The following BANP variants were observed in gnomAD, a reference collection of about 807,000 sequenced individuals.
BANP encodes the protein BTG3 associated nuclear protein.
A neutral mutation model predicts 68.1 loss-of-function variants in BANP; 11 were observed. The observed-to-expected ratio is 0.16, with a 90% CI of 0.10 to 0.27. The LOEUF is 0.27. Ranked by LOEUF, BANP falls within the 10% of genes least tolerant of loss-of-function variation. The pLI is 1.00. For missense variants in BANP, 504 were observed against 722.7 expected, an observed-to-expected ratio of 0.70 and a Z score of 3.47; for synonymous variants, 329 against 303.2, an observed-to-expected ratio of 1.09 and a Z score of -0.88.
intron 2 of BANP, among the ~76,000 whole-genome samples, chr16:87,976,878 A>C (rs1054686379): frequency 2.0e-5 from 3 of 152,208 alleles, no homozygotes; most frequent in Non-Finnish European, 4.4e-5. Flanking sequence ...CTAGTTCAGA[A>C]GGCAAATGAC....
In BANP at chr16:88,035,053, A is replaced by G. The variant is rs1457257915; in HGVS notation, c.1201-270A>G. The G allele has an allele frequency of 1.8e-5, 8 of 443,926 alleles. No individual in the cohort carries two copies. The East Asian group carries it at 3.5e-4, about 19-fold the overall frequency. The allele number at this position is 443,926 out of a possible 1,614,324, so 27.5% of individuals were successfully genotyped here. A position where few individuals can be genotyped will look rare whatever the true frequency, so the allele number is the denominator to read the frequency against. ...ACATATGGGCGGGAAAAAGCATAGC[A>G]TATATGGGGTTCAGCACCATCCACA... On this transcript the variant is annotated intron_variant, in intron 9 of 13. Coordinates refer to ENST00000682872, the MANE Select transcript of BANP (RefSeq NM_001386991.1).
intron 11 of BANP, among the ~76,000 whole-genome samples, chr16:88,040,901 C>T (rs1366899901): frequency 6.6e-6 from 1 of 152,244 alleles, no homozygotes; most frequent in Non-Finnish European, 1.5e-5. Context: ...CTTAGTATTC[C>T]CTTCTGATTC....
chr16:88,074,808 C>T (rs890612504), intron 13 of BANP, among the ~76,000 whole-genome samples: 5 of 152,248 alleles, frequency 3.3e-5, no homozygotes, highest in African/African-American at 1.2e-4. Context: ...TGGCCGGGCT[C>T]GCAGGAGACA....
intron 1 of BANP, among the ~76,000 whole-genome samples, chr16:87,959,206 G>T (rs1017078143): frequency 4.6e-5 from 7 of 152,226 alleles, no homozygotes; most frequent in Non-Finnish European, 8.8e-5. Context: ...CTGCTGTTGG[G>T]CTGAGAAGCA....
chr16:87,999,184 G>A (rs547485409), intron 4 of BANP, among the ~76,000 whole-genome samples: 13 of 137,294 alleles, frequency 9.5e-5, no homozygotes, highest in Admixed American at 5.0e-4. Context: ...CTCCATGCCC[G>A]CACGTGCGCG....
At position 88,056,504 on chromosome 16, in the gene BANP, C is replaced by A. The variant is rs549677081; in HGVS notation, c.1312-8763C>A. Reference sequence around the variant, plus strand: ...AGAGAGAACTTAGATGAAATGATGACTGAAATGTACACTTTCAGTGTTTTA... The same window carrying A: ...AGAGAGAACTTAGATGAAATGATGAATGAAATGTACACTTTCAGTGTTTTA... On this transcript the variant is annotated intron_variant, in intron 11 of 13. Coordinates refer to ENST00000682872, the MANE Select transcript of BANP (RefSeq NM_001386991.1). Among the ~76,000 whole-genome samples the A allele has an allele frequency of 2.3e-3, 341 of 150,044 alleles. 1 individual carries two copies. The highest frequency in any genetic ancestry group is 3.5e-3 in the Non-Finnish European group (236 of 67,824).
chr16:88,017,875 T>C (rs1212632162), intron 6 of BANP, among the ~76,000 whole-genome samples: 1 of 152,244 alleles, frequency 6.6e-6, no homozygotes, highest in Non-Finnish European at 1.5e-5. Context: ...GCCCTGAGAA[T>C]GCTGGCGTCA....
At chr16:88,050,469 TA>T (rs778721372) in intron 11 of BANP, among the ~76,000 whole-genome samples, 3 of 152,162 alleles carry the variant, frequency 2.0e-5, no homozygotes, top group Admixed American at 6.5e-5. Context: ...AAGATGGTTT[TA>T]AACTAATAGC....
At chr16:88,001,237 C>T (rs186794029) in intron 4 of BANP, among the ~76,000 whole-genome samples, 12 of 129,962 alleles carry the variant, frequency 9.2e-5, no homozygotes, top group East Asian at 2.9e-4. Flanking sequence ...TCTCCATGCA[C>T]GCACGTGCGC....
chr16:88,047,936 G>A (rs2082376121), intron 11 of BANP, among the ~76,000 whole-genome samples: 1 of 152,212 alleles, frequency 6.6e-6, no homozygotes, highest in South Asian at 2.1e-4. Flanking sequence ...CTGATTAGCA[G>A]GGTCCGCAAG....
intron 6 of BANP, among the ~76,000 whole-genome samples, chr16:88,008,655 C>T (rs2072027971): frequency 6.6e-6 from 1 of 152,178 alleles, no homozygotes; most frequent in Non-Finnish European, 1.5e-5. Context: ...AGGAAAAATA[C>T]AAATTTTCTT....
intron 8 of BANP, among the ~76,000 whole-genome samples, chr16:88,029,961 A>G (rs1041332439): frequency 1.9e-4 from 29 of 152,360 alleles, no homozygotes; most frequent in Admixed American, 1.2e-3. Flanking sequence ...CATGAGCTCA[A>G]TGGCTCCTAA....
In BANP at chr16:88,016,997, A is replaced by C. The variant is rs142133639; in HGVS notation, c.656-1431A>C. On this transcript the variant is annotated intron_variant, in intron 6 of 13. Coordinates refer to ENST00000682872, the MANE Select transcript of BANP (RefSeq NM_001386991.1). The stretch of plus-strand genomic sequence containing the variant: ...AGCCCTGCCCTGATATTTCATGGAA[A>C]TCTTATATTTCAGGGAATGGGAGAG... Among the ~76,000 whole-genome samples, 1,091 of 152,312 alleles carry C rather than the reference A, an allele frequency of 7.2e-3. 4 individuals carry two copies. Among genetic ancestry groups the C allele is most frequent in the Admixed American group, 0.011 (170 of 15,306 alleles).
intron 3 of BANP, 47 bp downstream of exon 3, chr16:87,981,174 CA>C (rs1567651106): frequency 7.4e-7 from 1 of 1,355,098 alleles, no homozygotes; most frequent in East Asian, 2.3e-5. Flanking sequence ...TTGCAGATTT[CA>C]AGGGCTGCTA....
At chr16:88,017,884 C>G (rs1423349001) in intron 6 of BANP, among the ~76,000 whole-genome samples, 2 of 152,224 alleles carry the variant, frequency 1.3e-5, no homozygotes, top group East Asian at 1.9e-4. Context: ...ATGCTGGCGT[C>G]AAGGGCATGC....
rs934022666 is a variant in BANP at position 88,004,003 on chromosome 16, C to T, written c.363-292C>T. On this transcript the variant is annotated intron_variant, in intron 4 of 13. Coordinates refer to ENST00000682872, the MANE Select transcript of BANP (RefSeq NM_001386991.1). The surrounding 1 kb of genome is among the most constrained non-coding windows in gnomAD (Gnocchi z 7.0). ...GCAGTCTATTCTGTCACAAGTTCAG[C>T]ATCCTCAGCCCAGCTGTCCTGTGCT... 3 of 365,902 alleles carry T rather than the reference C, an allele frequency of 8.2e-6. No individual in the cohort carries two copies. The highest frequency in any genetic ancestry group is 1.0e-5 in the Non-Finnish European group (2 of 194,720). The allele number at this position is 365,902 out of a possible 1,614,324, so 22.7% of individuals were successfully genotyped here. A position where few individuals can be genotyped will look rare whatever the true frequency, so the allele number is the denominator to read the frequency against.
intron 7 of BANP, among the ~76,000 whole-genome samples, chr16:88,023,991 T>C (rs7196007): frequency 0.066 from 10,086 of 152,236 alleles, 1,076 homozygotes; most frequent in African/African-American, 0.23. Flanking sequence ...GACGCCACGC[T>C]GTGGGGATCC....
rs961284180 is a variant in BANP at position 87,961,410 on chromosome 16, C to CCCCCG, written c.-69+9899_-69+9900insGCCCC. ...AACTCCTGGACTCACAGAATCTGCA[C>CCCCCG]CCCCCCGGGCCTCCCAAAGTGCTGG... On this transcript the variant is annotated intron_variant, in intron 1 of 13. Coordinates refer to ENST00000682872, the MANE Select transcript of BANP (RefSeq NM_001386991.1). Among the ~76,000 whole-genome samples, 485 of 140,534 alleles carry CCCCCG rather than the reference C, an allele frequency of 3.5e-3. 31 individuals are homozygous for CCCCCG. Among genetic ancestry groups the CCCCCG allele is most frequent in the African/African-American group, 0.011 (439 of 40,006 alleles). 92.2% of individuals were successfully genotyped at this position (140,534 alleles called of 152,430 possible). A position where few individuals can be genotyped will look rare whatever the true frequency, so the allele number is the denominator to read the frequency against.
chr16:87,958,601 T>TG (rs35365199), intron 1 of BANP, among the ~76,000 whole-genome samples: 102,468 of 151,988 alleles, frequency 0.67, 35,333 homozygotes, highest in African/African-American at 0.8. Flanking sequence ...AAGCGGAAAC[T>TG]GGAGGATCAC....
Sources: gnomAD v4.1 joint callset for allele counts (sites outside exome capture counted in the v4.1 genomes callset) on GRCh38, gnomAD v4.1.1 for gene constraint, Gnocchi (gnomAD v3.1) non-coding constraint, MANE v1.5 for transcripts, NCBI Gene and HGNC (gene_info 2026-07-23, HGNC 2026-07-21) for gene names.